The following MAPK9 variants were observed in gnomAD, a reference collection of about 807,000 sequenced individuals.
The protein encoded by MAPK9 is Jun kinase.
In MAPK9, 30 loss-of-function variants were observed where a neutral mutation model predicts 57.1. The ratio of observed to expected loss-of-function variants is 0.53; its 90% CI spans 0.39 to 0.71. The LOEUF (loss-of-function observed/expected upper bound fraction) is 0.71, where lower values mean the gene tolerates loss of function less well. MAPK9 is among the 30% of genes least tolerant of loss of function. The pLI, the probability that MAPK9 is intolerant of heterozygous loss-of-function variation, is 0.00. For missense variants in MAPK9, 362 were observed against 521.0 expected (o/e 0.69, Z 2.97); for synonymous variants, 155 against 177.0 (o/e 0.88, Z 0.99).
intron 2 of MAPK9, among the ~76,000 whole-genome samples, chr5:180,279,295 G>A (rs974608421): frequency 2.0e-5 from 3 of 152,278 alleles, no homozygotes; most frequent in Non-Finnish European, 2.9e-5. Context: ...TTTAAGTGCC[G>A]ATACAGCATG....
chr5:180,261,783 C>G lies in MAPK9; in HGVS notation c.351G>C (p.Gln117His). Reference protein sequence around the residue: ...VMELMDANLCQVIHMELDHER... With the variant: ...VMELMDANLCHVIHMELDHER... ...CATGATCCAGCTCCATGTGAATAAC[C>G]TGACATAAGTTAGCATCCATTAATT... Residue 117 changes from glutamine to histidine, a missense_variant, in exon 5 of 12, where the codon CAG becomes CAC. Transcript: ENST00000452135. 1.2e-5 allele frequency: 20 copies of G among 1,612,922 alleles called. No homozygotes were observed. The highest frequency in any genetic ancestry group is 1.6e-5 in the Non-Finnish European group (19 of 1,179,412).
chr5:180,242,420 T>C (rs1217292426), intron 8 of MAPK9, among the ~76,000 whole-genome samples, 153 bp downstream of exon 8: 1 of 152,210 alleles, frequency 6.6e-6, no homozygotes, highest in Non-Finnish European at 1.5e-5. Flanking sequence ...TCTAGACCTT[T>C]AAGCTTTCTC....
At position 180,235,310 on chromosome 5, in the gene MAPK9, T is replaced by G. The variant is rs1228208067; in HGVS notation, c.*1074A>C. On this transcript the variant is annotated 3_prime_UTR_variant, in exon 12 of 12. Coordinates refer to ENST00000452135, the MANE Select transcript of MAPK9 (RefSeq NM_002752.5). ...TGAAAACAGACCAAAGAGGAGTTTA[T>G]CTGCTTTCTTCCAGTGAAGAAAGAA... The G allele has an allele frequency of 6.6e-6, 1 of 152,166 alleles. No homozygotes were observed. The highest frequency in any genetic ancestry group is 1.5e-5 in the Non-Finnish European group (1 of 68,036). 9.4% of individuals were successfully genotyped at this position (152,166 alleles called of 1,614,324 possible). A position where few individuals can be genotyped will look rare whatever the true frequency, so the allele number is the denominator to read the frequency against.
intron 2 of MAPK9, among the ~76,000 whole-genome samples, chr5:180,273,539 T>C (rs1761551302): frequency 6.6e-6 from 1 of 152,200 alleles, no homozygotes; most frequent in South Asian, 2.1e-4. Flanking sequence ...TAAATGTTTT[T>C]TTATGTTGTG....
intron 5 of MAPK9, among the ~76,000 whole-genome samples, chr5:180,253,961 C>T (rs1391707846): frequency 1.3e-5 from 1 of 77,786 alleles, no homozygotes; most frequent in Non-Finnish European, 2.7e-5. Flanking sequence ...ATGCTTCAAT[C>T]TCTTTTTTTT....
At chr5:180,269,532 T>C in intron 2 of MAPK9, 123 bp from the exon 3 acceptor site, 1 of 908,364 alleles carries the variant, frequency 1.1e-6, no homozygotes, top group South Asian at 1.6e-5. Flanking sequence ...GCTTATTTCA[T>C]TCAAGGTACT....
Position 180,236,279 on chromosome 5 carries a change from G to A in MAPK9, c.*105C>T. 1.6e-6 allele frequency: 2 copies of A among 1,266,824 alleles called. No homozygotes were observed. Among genetic ancestry groups the A allele is most frequent in the Non-Finnish European group, 2.1e-6 (2 of 932,298 alleles). The allele number at this position is 1,266,824 out of a possible 1,614,324, so 78.5% of individuals were successfully genotyped here. A position where few individuals can be genotyped will look rare whatever the true frequency, so the allele number is the denominator to read the frequency against. On this transcript the variant is annotated 3_prime_UTR_variant, in exon 12 of 12. Coordinates refer to ENST00000452135, the MANE Select transcript of MAPK9 (RefSeq NM_002752.5). ...GGGCAAGGCATTGTGTTTCTTACAT[G>A]CAGAACATGGAGTTTTTCTATTTGG...
At chr5:180,273,834 C>G (rs1761580377) in intron 2 of MAPK9, among the ~76,000 whole-genome samples, 1 of 152,196 alleles carries the variant, frequency 6.6e-6, no homozygotes, top group Non-Finnish European at 1.5e-5. Flanking sequence ...ACTGTTTCTC[C>G]TTGCACCACA....
At chr5:180,276,834 A>G (rs530490210) in intron 2 of MAPK9, among the ~76,000 whole-genome samples, 10 of 152,388 alleles carry the variant, frequency 6.6e-5, no homozygotes, top group African/African-American at 2.2e-4. Flanking sequence ...ACCTGGTGAC[A>G]GAGCAAGACT....
chr5:180,280,696 A>G, intron 1 of MAPK9, 88 bp from the exon 2 acceptor site: 2 of 1,035,688 alleles, frequency 1.9e-6, no homozygotes, highest in Non-Finnish European at 2.7e-6. Context: ...TTGGTATGTA[A>G]GACAATGTGG....
chr5:180,242,760 G>A lies in MAPK9; in HGVS notation c.689-5C>T. On this transcript the variant is annotated splice_region_variant and splice_polypyrimidine_tract_variant and intron_variant, in intron 7 of 11. Transcript: ENST00000452135. ...CTTTATTCCACTGATCAATATCTAAGGAGTTTCTTGAGGAAAATACAACTG... is the reference window on the plus strand; with the variant it reads ...CTTTATTCCACTGATCAATATCTAAAGAGTTTCTTGAGGAAAATACAACTG... 1 of 1,606,616 alleles carries A rather than the reference G, an allele frequency of 6.2e-7. No individual in the cohort carries two copies. The highest frequency in any genetic ancestry group is 8.5e-7 in the Non-Finnish European group (1 of 1,176,542).
chr5:180,285,778 A>T (rs1561852981), intron 1 of MAPK9, among the ~76,000 whole-genome samples: 1 of 151,778 alleles, frequency 6.6e-6, no homozygotes, highest in South Asian at 2.1e-4. Flanking sequence ...AATAATAATA[A>T]TAATAATAGT....
intron 5 of MAPK9, among the ~76,000 whole-genome samples, chr5:180,258,960 G>C (rs1340242747): frequency 6.6e-6 from 1 of 151,788 alleles, no homozygotes; most frequent in East Asian, 1.9e-4. Context: ...CTTGAACCTG[G>C]GAGGTGGAGG....
intron 1 of MAPK9, among the ~76,000 whole-genome samples, chr5:180,291,302 G>C (rs1225318397): frequency 6.6e-6 from 1 of 150,518 alleles, no homozygotes; most frequent in Non-Finnish European, 1.5e-5. Flanking sequence ...AGTGCGCGGG[G>C]AGGCGGGAGG....
Position 180,291,970 on chromosome 5 carries a change from C to CCCGACG in MAPK9, c.-171_-170insCGTCGG, listed in dbSNP as rs1471255837. On this transcript the variant is annotated 5_prime_UTR_variant, in exon 1 of 12. Transcript: ENST00000452135. Reference sequence around the variant, plus strand: ...GCCGGCCCGCCCCGCTCCGCTCCGCCCCGCCGCCGCCGCCGCCGCCGCCGC... The same window carrying CCCGACG: ...GCCGGCCCGCCCCGCTCCGCTCCGCCCCGACGCCGCCGCCGCCGCCGCCGCCGCCGC... The CCCGACG allele has an allele frequency of 6.5e-6, 1 of 154,518 alleles. No homozygotes were observed. Among genetic ancestry groups the CCCGACG allele is most frequent in the Non-Finnish European group, 1.4e-5 (1 of 72,880 alleles). 9.6% of individuals were successfully genotyped at this position (154,518 alleles called of 1,614,324 possible). A position where few individuals can be genotyped will look rare whatever the true frequency, so the allele number is the denominator to read the frequency against.
Position 180,233,417 on chromosome 5 carries a change from A to G in MAPK9, c.*2967T>C, listed in dbSNP as rs990175881. On this transcript the variant is annotated 3_prime_UTR_variant, in exon 12 of 12. Transcript: ENST00000452135. ...TTTAGGAATTTGCAGAATATTTTCA[A>G]TAAGAGAACAAACAGCAATGTTTCT... 6.6e-6 allele frequency: 1 copy of G among 152,256 alleles called. No individual in the cohort carries two copies. The highest frequency in any genetic ancestry group is 2.4e-5 in the African/African-American group (1 of 41,472). The allele number at this position is 152,256 out of a possible 1,614,324, so 9.4% of individuals were successfully genotyped here. A position where few individuals can be genotyped will look rare whatever the true frequency, so the allele number is the denominator to read the frequency against.
intron 2 of MAPK9, among the ~76,000 whole-genome samples, chr5:180,273,452 C>T (rs1372405339): frequency 1.3e-5 from 2 of 151,810 alleles, no homozygotes; most frequent in Non-Finnish European, 2.9e-5. Flanking sequence ...GTCTTGAACT[C>T]CTGGCCTCAA....
At chr5:180,254,861 T>C (rs990097299) in intron 5 of MAPK9, among the ~76,000 whole-genome samples, 1 of 152,056 alleles carries the variant, frequency 6.6e-6, no homozygotes, top group Non-Finnish European at 1.5e-5. Flanking sequence ...GGTGAAACCC[T>C]GTCTCTACTA....
At position 180,247,300 on chromosome 5, in the gene MAPK9, A is replaced by G; in HGVS notation, c.688+139T>C. 1.2e-6 allele frequency: 1 copy of G among 851,422 alleles called. No homozygotes were observed. The highest frequency in any genetic ancestry group is 1.9e-6 in the Non-Finnish European group (1 of 537,598). 52.7% of individuals were successfully genotyped at this position (851,422 alleles called of 1,614,324 possible). On this transcript the variant is annotated intron_variant, in intron 7 of 11. Transcript: ENST00000452135. The surrounding 1 kb of genome is among the most constrained non-coding windows in gnomAD (Gnocchi z 4.5). ...CTTGGCTTGTGACACTAATTAACAAATACAGTAAAGCCCCCCTTAGAACAC... is the reference window on the plus strand; with the variant it reads ...CTTGGCTTGTGACACTAATTAACAAGTACAGTAAAGCCCCCCTTAGAACAC...
Sources: gnomAD v4.1 joint callset for allele counts (sites outside exome capture counted in the v4.1 genomes callset) on GRCh38, gnomAD v4.1.1 for gene constraint, Gnocchi (gnomAD v3.1) non-coding constraint, MANE v1.5 for transcripts, NCBI Gene and HGNC (gene_info 2026-07-23, HGNC 2026-07-21) for gene names.